The following DCLK2 variants were observed in gnomAD, a reference collection of about 807,000 sequenced individuals.
DCLK2 encodes the protein doublecortin like kinase 2.
In DCLK2, 31 loss-of-function variants were observed where a neutral mutation model predicts 78.4. The observed-to-expected ratio is 0.40, with a 90% CI of 0.30 to 0.53. The LOEUF (loss-of-function observed/expected upper bound fraction) is 0.53. Among genes scored for constraint, DCLK2 ranks in the 20% least tolerant of loss-of-function variants. The pLI is 0.61. For missense variants in DCLK2, 872 were observed against 973.7 expected, an observed-to-expected ratio of 0.90 and a Z score of 1.39; for synonymous variants, 407 against 374.9, an observed-to-expected ratio of 1.09 and a Z score of -0.99.
chr4:150,199,752 T>C (rs1487479309), intron 4 of DCLK2, among the ~76,000 whole-genome samples: 1 of 152,228 alleles, frequency 6.6e-6, no homozygotes, highest in Non-Finnish European at 1.5e-5. Context: ...AAAGCTAATA[T>C]AGATATGAGA....
At chr4:150,093,136 A>G (rs1730209247) in intron 1 of DCLK2, among the ~76,000 whole-genome samples, 1 of 152,230 alleles carries the variant, frequency 6.6e-6, no homozygotes, top group Admixed American at 6.5e-5. Context: ...ATACACTAAT[A>G]ACAAACTAAT....
chr4:150,148,913 G>A (rs1734677187), intron 2 of DCLK2, among the ~76,000 whole-genome samples: 2 of 151,720 alleles, frequency 1.3e-5, no homozygotes, highest in African/African-American at 2.4e-5. Context: ...CATGCTTGTA[G>A]GCCTAGCTAC....
At chr4:150,181,628 T>G (rs1309510031) in intron 2 of DCLK2, among the ~76,000 whole-genome samples, 1 of 152,030 alleles carries the variant, frequency 6.6e-6, no homozygotes, top group African/African-American at 2.4e-5. Flanking sequence ...TTTTTTTATT[T>G]TTTAGGAAGC....
intron 2 of DCLK2, among the ~76,000 whole-genome samples, chr4:150,173,936 G>A (rs535812163): frequency 1.8e-4 from 27 of 152,278 alleles, no homozygotes; most frequent in Admixed American, 1.6e-3. Context: ...GGGAAGGATT[G>A]CTGAACTCCT....
chr4:150,118,379 G>A (rs910118253), intron 2 of DCLK2, among the ~76,000 whole-genome samples: 37 of 152,140 alleles, frequency 2.4e-4, no homozygotes, highest in African/African-American at 8.4e-4. Context: ...AAATGAAAAA[G>A]TAGATTAAAG....
In DCLK2 at chr4:150,078,823, C is replaced by G. The variant is rs1414848135; in HGVS notation, c.-205C>G. 2 of 562,604 alleles carry G rather than the reference C, an allele frequency of 3.6e-6. No individual in the cohort carries two copies. The highest frequency in any genetic ancestry group is 5.8e-6 in the Non-Finnish European group (2 of 347,028). The allele number at this position is 562,604 out of a possible 1,614,324, so 34.9% of individuals were successfully genotyped here. On this transcript the variant is annotated 5_prime_UTR_variant, in exon 1 of 16. Coordinates refer to ENST00000296550, the MANE Select transcript of DCLK2 (RefSeq NM_001040260.4). ...GCACTGGACAATGACCTGGGCAGCT[C>G]GGCGCTGCGGACACTTTTAGCTGAG... is the stretch of plus-strand genomic sequence containing the variant.
intron 1 of DCLK2, among the ~76,000 whole-genome samples, chr4:150,093,836 CATT>C (rs1730271141): frequency 6.6e-6 from 1 of 152,178 alleles, no homozygotes; most frequent in African/African-American, 2.4e-5. Context: ...GTAATTAAAA[CATT>C]ATGATACTAT....
chr4:150,110,865 T>A (rs974329973), intron 2 of DCLK2, among the ~76,000 whole-genome samples: 1 of 152,230 alleles, frequency 6.6e-6, no homozygotes, highest in African/African-American at 2.4e-5. Flanking sequence ...TATACCACAT[T>A]TTCTTTATCC....
intron 2 of DCLK2, among the ~76,000 whole-genome samples, chr4:150,166,574 CTTG>C (rs1560826800): frequency 6.6e-6 from 1 of 152,236 alleles, no homozygotes; most frequent in African/African-American, 2.4e-5. Context: ...CGAGTATATC[CTTG>C]TTGTTTTATC....
intron 15 of DCLK2, chr4:150,254,570 C>T (rs1245962574): frequency 2.5e-6 from 1 of 398,202 alleles, no homozygotes; most frequent in Non-Finnish European, 4.4e-6. Context: ...TAGGAAAAAC[C>T]TGTATGCTGG....
At chr4:150,141,992 GA>G (rs1336125075) in intron 2 of DCLK2, among the ~76,000 whole-genome samples, 1 of 152,080 alleles carries the variant, frequency 6.6e-6, no homozygotes, top group Non-Finnish European at 1.5e-5. Flanking sequence ...TCTCTTTCAG[GA>G]AAAATTTCTG....
chr4:150,220,915 C>G, intron 6 of DCLK2, 137 bp downstream of exon 6: 1 of 624,716 alleles, frequency 1.6e-6, no homozygotes, highest in Non-Finnish European at 2.7e-6. Context: ...CCCCTTTGGC[C>G]TTAGTAAGAG....
chr4:150,211,821 C>A (rs1419729981), intron 5 of DCLK2, among the ~76,000 whole-genome samples: 1 of 152,150 alleles, frequency 6.6e-6, no homozygotes. Flanking sequence ...AACCTATGAT[C>A]TTCTGTTCCC....
chr4:150,157,696 A>G (rs1735409824), intron 2 of DCLK2, among the ~76,000 whole-genome samples: 1 of 152,034 alleles, frequency 6.6e-6, no homozygotes, highest in South Asian at 2.1e-4. Flanking sequence ...AACTTTTATT[A>G]GAGACCGGGT....
chr4:150,198,147 C>T (rs1739198450), intron 4 of DCLK2, 44 bp downstream of exon 4: 1 of 1,509,746 alleles, frequency 6.6e-7, no homozygotes, highest in African/African-American at 1.4e-5. Flanking sequence ...AGGAACAGAT[C>T]ATTTTCCTTC....
intron 5 of DCLK2, among the ~76,000 whole-genome samples, chr4:150,211,313 A>AAG (rs140221411): frequency 0.056 from 8,351 of 148,284 alleles, 316 homozygotes; most frequent in African/African-American, 0.1. Flanking sequence ...ACCAAGTGAT[A>AAG]AGAGAGAGAG....
chr4:150,128,623 T>C (rs1279645875), intron 2 of DCLK2, among the ~76,000 whole-genome samples: 1 of 152,222 alleles, frequency 6.6e-6, no homozygotes, highest in Non-Finnish European at 1.5e-5. Flanking sequence ...TTCAAACTTT[T>C]AACATATTTT....
intron 2 of DCLK2, among the ~76,000 whole-genome samples, chr4:150,104,055 G>A (rs62339913): frequency 0.29 from 43,632 of 151,634 alleles, 6,579 homozygotes; most frequent in African/African-American, 0.36. Context: ...TGGGCACAGG[G>A]AAGACACATA....
intron 2 of DCLK2, among the ~76,000 whole-genome samples, chr4:150,179,446 G>A (rs1482796160): frequency 6.6e-6 from 1 of 152,166 alleles, no homozygotes; most frequent in Non-Finnish European, 1.5e-5. Context: ...TCCAAAGTAA[G>A]TATAGAATTA....
Sources: allele counts gnomAD v4.1 joint callset (sites outside exome capture counted in the v4.1 genomes callset), GRCh38; gene constraint gnomAD v4.1.1; transcripts MANE v1.5; gene names NCBI Gene and HGNC (gene_info 2026-07-23, HGNC 2026-07-21).